MED13L: variants seen among roughly 807,000 people sequenced by gnomAD.
MED13L encodes mediator of RNA polymerase II transcription subunit 13-like.
Under a neutral mutation model 220.9 loss-of-function variants are expected in MED13L, and 7 were observed. The observed-to-expected ratio is 0.03, with a 90% CI of 0.02 to 0.06. The LOEUF (loss-of-function observed/expected upper bound fraction) is 0.06. Ranked by LOEUF, MED13L falls within the 10% of genes least tolerant of loss-of-function variation. The pLI, the probability that MED13L is intolerant of heterozygous loss-of-function variation, is 1.00. For missense variants in MED13L, 1,965 were observed against 2,760.5 expected, an observed-to-expected ratio of 0.71 and a Z score of 6.46; for synonymous variants, 1,011 against 1,015.2, an observed-to-expected ratio of 1.00 and a Z score of 0.08.
At chr12:116,276,473 G>C in intron 1 of MED13L, 1 of 1,288,838 alleles carries the variant, frequency 7.8e-7, no homozygotes, top group Non-Finnish European at 1.0e-6. Context: ...CTCCAGCATA[G>C]TAAGCCCCGA....
At chr12:116,254,747 C>T (rs975713273) in intron 1 of MED13L, among the ~76,000 whole-genome samples, 1 of 151,854 alleles carries the variant, frequency 6.6e-6, no homozygotes, top group African/African-American at 2.4e-5. Context: ...CAGAGTGAGA[C>T]TCTGTGTCCA....
At chr12:115,972,513 A>T in intron 25 of MED13L, 1 of 421,198 alleles carries the variant, frequency 2.4e-6, no homozygotes, top group Middle Eastern at 7.3e-4. Flanking sequence ...ATCTACCTAG[A>T]CCAGATTTAG....
intron 2 of MED13L, among the ~76,000 whole-genome samples, chr12:116,121,754 C>T (rs972658381): frequency 6.6e-6 from 1 of 152,302 alleles, no homozygotes; most frequent in Admixed American, 6.5e-5. Flanking sequence ...ACTTCTTACT[C>T]CCACCTACTG....
At chr12:116,124,156 GAC>G (rs1325944254) in intron 2 of MED13L, among the ~76,000 whole-genome samples, 12 of 142,840 alleles carry the variant, frequency 8.4e-5, no homozygotes, top group Non-Finnish European at 1.4e-4. Context: ...GAGAGACAGA[GAC>G]AGAGAGAGAC....
intron 1 of MED13L, among the ~76,000 whole-genome samples, chr12:116,269,889 C>G (rs1252077033): frequency 1.3e-5 from 2 of 151,278 alleles, no homozygotes; most frequent in African/African-American, 4.9e-5. Flanking sequence ...TAACATTTTG[C>G]CTTGGACACA....
chr12:116,186,303 A>T (rs1022626693), intron 2 of MED13L, among the ~76,000 whole-genome samples: 1 of 152,216 alleles, frequency 6.6e-6, no homozygotes, highest in Non-Finnish European at 1.5e-5. Context: ...TGCTGAATGA[A>T]AATAATCAAC....
At chr12:116,094,442 A>G (rs943409420) in intron 4 of MED13L, among the ~76,000 whole-genome samples, 4 of 152,214 alleles carry the variant, frequency 2.6e-5, no homozygotes, top group African/African-American at 7.2e-5. Context: ...CAAATACATT[A>G]CATGCATTAT....
chr12:115,969,525 G>A (rs573761391), intron 27 of MED13L, among the ~76,000 whole-genome samples: 12 of 151,810 alleles, frequency 7.9e-5, no homozygotes, highest in African/African-American at 2.7e-4. Context: ...GTGTGAACTT[G>A]CCCTGAAAAT....
chr12:116,087,480 T>C (rs938941364), intron 4 of MED13L, among the ~76,000 whole-genome samples: 9 of 152,218 alleles, frequency 5.9e-5, no homozygotes. Context: ...GAAATCTAAC[T>C]CTAATCTACA....
chr12:116,162,449 G>GT (rs1878960542), intron 2 of MED13L, among the ~76,000 whole-genome samples: 2 of 152,172 alleles, frequency 1.3e-5, no homozygotes, highest in Admixed American at 6.5e-5. Context: ...AAATATCCAT[G>GT]TGAGTATGGA....
chr12:116,235,350 T>TATA (rs1466879106), intron 2 of MED13L, among the ~76,000 whole-genome samples: 2 of 152,186 alleles, frequency 1.3e-5, no homozygotes, highest in African/African-American at 2.4e-5. Flanking sequence ...ATAAACAGTT[T>TATA]ATACCACTAT....
At chr12:116,207,059 T>C (rs1280919726) in intron 2 of MED13L, among the ~76,000 whole-genome samples, 1 of 151,854 alleles carries the variant, frequency 6.6e-6, no homozygotes, top group African/African-American at 2.4e-5. Flanking sequence ...GGTATACGAA[T>C]ACAGTCATAT....
chr12:116,260,834 A>T (rs1872463132), intron 1 of MED13L, among the ~76,000 whole-genome samples: 1 of 152,186 alleles, frequency 6.6e-6, no homozygotes, highest in South Asian at 2.1e-4. Context: ...ACCTTCATGT[A>T]AAAAATTAAA....
chr12:116,199,645 A>C (rs527522605), intron 2 of MED13L, among the ~76,000 whole-genome samples: 1 of 152,294 alleles, frequency 6.6e-6, no homozygotes, highest in Non-Finnish European at 1.5e-5. Context: ...CATTTGGTTA[A>C]ACAGTCATCA....
At position 116,262,941 on chromosome 12, in the gene MED13L, T is replaced by C. The variant is rs556191657; in HGVS notation, c.72+14119A>G. Among the ~76,000 whole-genome samples, 38 of 152,336 alleles carry C rather than the reference T, an allele frequency of 2.5e-4. 1 individual carries two copies. Among genetic ancestry groups the C allele is most frequent in the African/African-American group, 9.1e-4 (38 of 41,574 alleles). ...GTAGTCTATTTGGGATCATGAAACC[T>C]GATTCAATCTGTGCAGATGATTACA... On this transcript the variant is annotated intron_variant, in intron 1 of 30. Transcript: ENST00000281928.
chr12:116,016,671 A>AGGTTGAAGCTTGGTTGAAGCTTT (rs1359663879), intron 7 of MED13L, among the ~76,000 whole-genome samples: 31 of 152,222 alleles, frequency 2.0e-4, no homozygotes, highest in Non-Finnish European at 4.1e-4. Context: ...GACTAAAGCT[A>AGGTTGAAGCTTGGTTGAAGCTTT]GGTTGAAGCT....
chr12:115,980,346 CCT>C (rs376316619), intron 23 of MED13L: 452 of 189,744 alleles, frequency 2.4e-3, no homozygotes, highest in South Asian at 0.01. Context: ...TTTATTCCCC[CCT>C]GAGACAGGGT....
chr12:115,985,046 C>T (rs952767127), intron 19 of MED13L, among the ~76,000 whole-genome samples: 1 of 151,998 alleles, frequency 6.6e-6, no homozygotes, highest in African/African-American at 2.4e-5. Flanking sequence ...CTTACTAAGC[C>T]CCGACAAAAT....
At chr12:116,033,749 T>A (rs1222349105) in intron 4 of MED13L, among the ~76,000 whole-genome samples, 4 of 151,296 alleles carry the variant, frequency 2.6e-5, no homozygotes, top group Non-Finnish European at 4.4e-5. Flanking sequence ...GAATCATGAG[T>A]GTGTGTGTGT....
Sources: gnomAD v4.1 joint callset for allele counts (sites outside exome capture counted in the v4.1 genomes callset) on GRCh38, gnomAD v4.1.1 for gene constraint, MANE v1.5 for transcripts, NCBI Gene and HGNC (gene_info 2026-07-23, HGNC 2026-07-21) for gene names.